Variants in PCCA observed in about 807,000 individuals in gnomAD.
The protein encoded by PCCA is propionyl-CoA carboxylase subunit alpha.
PCCA carries 74 observed loss-of-function variants against 101.3 expected under a neutral mutation model. The observed-to-expected ratio is 0.73, with a 90% CI of 0.61 to 0.89. The LOEUF (loss-of-function observed/expected upper bound fraction) is 0.89. PCCA is among the 40% of genes least tolerant of loss of function. The probability of loss-of-function intolerance (pLI) is 0.00; values close to 1 mark genes in which losing one functional copy is unlikely to be tolerated. For missense variants in PCCA, 891 were observed against 907.0 expected (o/e 0.98, Z 0.23); for synonymous variants, 294 against 313.6 (o/e 0.94, Z 0.66).
At chr13:100,103,047 A>T (rs1028187692) in intron 2 of PCCA, 87 bp downstream of exon 2, 4 of 872,712 alleles carry the variant, frequency 4.6e-6, no homozygotes, top group East Asian at 2.5e-5. Flanking sequence ...CAGTGGACAG[A>T]TGAGATTTTG....
chr13:100,480,828 C>G (rs143136781), intron 21 of PCCA, among the ~76,000 whole-genome samples: 1 of 152,144 alleles, frequency 6.6e-6, no homozygotes, highest in South Asian at 2.1e-4. Flanking sequence ...ATGACAGTCA[C>G]GAAGGGGAAT....
chr13:100,289,501 T>G (rs910749670), intron 12 of PCCA, among the ~76,000 whole-genome samples: 5 of 152,062 alleles, frequency 3.3e-5, no homozygotes, highest in African/African-American at 7.2e-5. Context: ...GTGTGAAAAT[T>G]TAATTCTTCC....
intron 11 of PCCA, among the ~76,000 whole-genome samples, chr13:100,270,837 C>T (rs2152574755): frequency 6.6e-6 from 1 of 151,924 alleles, no homozygotes; most frequent in South Asian, 2.1e-4. Context: ...AGTGGGACCT[C>T]ATCTTCACAA....
At chr13:100,255,407 G>C (rs1246472001) in intron 8 of PCCA, among the ~76,000 whole-genome samples, 1 of 152,036 alleles carries the variant, frequency 6.6e-6, no homozygotes, top group African/African-American at 2.4e-5. Flanking sequence ...TATAGTCCAG[G>C]GTCCTTAGTA....
At chr13:100,238,124 G>C (rs1414426829) in intron 8 of PCCA, among the ~76,000 whole-genome samples, 1 of 151,784 alleles carries the variant, frequency 6.6e-6, no homozygotes, top group Non-Finnish European at 1.5e-5. Flanking sequence ...ATTTTTAGTA[G>C]AGACGGGGTT....
At chr13:100,271,233 T>A (rs1377927362) in intron 11 of PCCA, among the ~76,000 whole-genome samples, 1 of 152,180 alleles carries the variant, frequency 6.6e-6, no homozygotes, top group Non-Finnish European at 1.5e-5. Flanking sequence ...ATTAATTTTG[T>A]CAGCCAGTTA....
intron 21 of PCCA, among the ~76,000 whole-genome samples, chr13:100,488,689 C>T (rs2084625939): frequency 6.9e-6 from 1 of 145,344 alleles, no homozygotes; most frequent in East Asian, 2.1e-4. Flanking sequence ...TACCTATAAT[C>T]CAGCTACTCA....
chr13:100,365,108 G>T (rs2075036885), intron 18 of PCCA, among the ~76,000 whole-genome samples: 1 of 152,182 alleles, frequency 6.6e-6, no homozygotes, highest in Non-Finnish European at 1.5e-5. Flanking sequence ...GTTTGTAGAA[G>T]AAGCAGTAGC....
chr13:100,398,962 G>A (rs941976635), intron 19 of PCCA, among the ~76,000 whole-genome samples: 2 of 152,052 alleles, frequency 1.3e-5, no homozygotes, highest in Non-Finnish European at 2.9e-5. Context: ...TATTTCAGAA[G>A]TATTGTATTC....
intron 21 of PCCA, among the ~76,000 whole-genome samples, chr13:100,507,303 T>C (rs1322821441): frequency 6.6e-6 from 1 of 152,224 alleles, no homozygotes; most frequent in Non-Finnish European, 1.5e-5. Context: ...GTTAGACAGC[T>C]TGGGGGCACT....
intron 17 of PCCA, among the ~76,000 whole-genome samples, chr13:100,339,603 A>T (rs1468655610): frequency 6.6e-6 from 1 of 152,224 alleles, no homozygotes; most frequent in African/African-American, 2.4e-5. Context: ...TGGTAGGAAG[A>T]TACTGTGAGT....
At position 100,515,515 on chromosome 13, in the gene PCCA, G is replaced by C; in HGVS notation, c.1988G>C (p.Arg663Pro). 2 of 1,614,122 alleles carry C rather than the reference G, an allele frequency of 1.2e-6. No individual in the cohort carries two copies. The highest frequency in any genetic ancestry group is 1.7e-6 in the Non-Finnish European group (2 of 1,180,016). ...KVTEDTSSVLRSPMPGVVVAV... is the reference protein window; with the variant it reads ...KVTEDTSSVLPSPMPGVVVAV... ...ACTGAGGACACAAGCAGTGTTCTGCGTTCCCCGATGCCCGGAGTGGTGGTG... is the reference window on the plus strand; with the variant it reads ...ACTGAGGACACAAGCAGTGTTCTGCCTTCCCCGATGCCCGGAGTGGTGGTG... The change falls in exon 22 of 24, where the codon CGT becomes CCT. Residue 663 changes from arginine (R) to proline (P), a missense_variant. Transcript: ENST00000376285.
In PCCA at chr13:100,393,805, T is replaced by G. The variant is rs559004619; in HGVS notation, c.1746+25231T>G. On this transcript the variant is annotated intron_variant, in intron 19 of 23. Transcript: ENST00000376285. ...GTGCAACTAGGACTAATTCTTTGATTAATTTTTTAACCACTTCTACTTAGC... is the reference window on the plus strand; with the variant it reads ...GTGCAACTAGGACTAATTCTTTGATGAATTTTTTAACCACTTCTACTTAGC... Among the ~76,000 whole-genome samples, 17 of 152,330 alleles carry G rather than the reference T, an allele frequency of 1.1e-4. No homozygotes were observed. In the South Asian group the frequency reaches 3.1e-3, roughly 28 times the overall value.
intron 16 of PCCA, among the ~76,000 whole-genome samples, chr13:100,330,242 A>G (rs1165149066): frequency 6.6e-6 from 1 of 152,200 alleles, no homozygotes; most frequent in Non-Finnish European, 1.5e-5. Flanking sequence ...AATGGTCCCT[A>G]TTTTGATTAA....
chr13:100,298,471 T>C (rs1236675821), intron 12 of PCCA, among the ~76,000 whole-genome samples: 1 of 152,196 alleles, frequency 6.6e-6, no homozygotes, highest in African/African-American at 2.4e-5. Context: ...AGCATCAGAC[T>C]TCTGTAGTTA....
chr13:100,405,431 A>G (rs1407981864), intron 19 of PCCA, among the ~76,000 whole-genome samples: 1 of 152,218 alleles, frequency 6.6e-6, no homozygotes, highest in Non-Finnish European at 1.5e-5. Flanking sequence ...GAATTTAATG[A>G]CAAATGTATG....
intron 6 of PCCA, among the ~76,000 whole-genome samples, chr13:100,159,279 C>T (rs1345426779): frequency 6.6e-6 from 1 of 151,312 alleles, no homozygotes; most frequent in African/African-American, 2.4e-5. Context: ...TTAGTAGAGA[C>T]GGGGTTTCAC....
chr13:100,517,261 A>G (rs2086906760), intron 22 of PCCA, among the ~76,000 whole-genome samples: 1 of 152,228 alleles, frequency 6.6e-6, no homozygotes, highest in Non-Finnish European at 1.5e-5. Flanking sequence ...GCTCAGAGGC[A>G]GTAAACGGGG....
At chr13:100,450,740 G>A (rs1400971018) in intron 21 of PCCA, among the ~76,000 whole-genome samples, 2 of 152,144 alleles carry the variant, frequency 1.3e-5, no homozygotes, top group African/African-American at 4.8e-5. Flanking sequence ...TATAATTTAT[G>A]TATATAAAGT....
Sources: allele counts gnomAD v4.1 joint callset (sites outside exome capture counted in the v4.1 genomes callset), GRCh38; gene constraint gnomAD v4.1.1; transcripts MANE v1.5; gene names NCBI Gene and HGNC (gene_info 2026-07-23, HGNC 2026-07-21).